The following AMN1 variants were observed in gnomAD, a reference collection of about 807,000 sequenced individuals.
AMN1 encodes the protein antagonist of mitotic exit network 1 homolog.
In AMN1, 20 loss-of-function variants were observed where a neutral mutation model predicts 33.0. The observed-to-expected ratio is 0.61, with a 90% CI of 0.43 to 0.88. AMN1 has a LOEUF of 0.88. AMN1 is among the 40% of genes least tolerant of loss of function. AMN1 has a pLI of 0.00. For synonymous variants in AMN1, 114 were observed against 111.9 expected (o/e 1.02, Z -0.12); for missense variants, 246 against 307.4 (o/e 0.80, Z 1.49).
intron 3 of AMN1, among the ~76,000 whole-genome samples, chr12:31,699,395 CAA>C (rs34860207): frequency 2.7e-4 from 10 of 36,872 alleles, no homozygotes; most frequent in East Asian, 2.0e-3. Flanking sequence ...GACTCTGTCT[CAA>C]AAAAAAAAAA....
chr12:31,676,447 T>C (rs1304898609), intron 6 of AMN1, among the ~76,000 whole-genome samples: 1 of 151,088 alleles, frequency 6.6e-6, no homozygotes, highest in Non-Finnish European at 1.5e-5. Context: ...CCGTCTCTAC[T>C]AAAAATGCAA....
chr12:31,697,886 C>T lies in AMN1; in HGVS notation c.388G>A (p.Asp130Asn). ...ASLKRCCNLT[D>N]EGVVALALNC... ...AGTGCAAGAGCAACGACTCCTTCGTCAGTGAGATTGCAGCATCTTTTCAAA... is the reference window on the plus strand; with the variant it reads ...AGTGCAAGAGCAACGACTCCTTCGTTAGTGAGATTGCAGCATCTTTTCAAA... Residue 130 changes from aspartate to asparagine, a missense_variant, in exon 4 of 7, where the codon GAC becomes AAC. By Grantham distance (23) the Asp-to-Asn change is conservative. Coordinates refer to ENST00000281471, the MANE Select transcript of AMN1 (RefSeq NM_001113402.2). 6.2e-7 allele frequency: 1 copy of T among 1,614,004 alleles called. No homozygotes were observed. Among genetic ancestry groups the T allele is most frequent in the South Asian group, 1.1e-5 (1 of 91,090 alleles).
At chr12:31,710,895 CA>C (rs1939440943) in intron 1 of AMN1, among the ~76,000 whole-genome samples, 1 of 152,058 alleles carries the variant, frequency 6.6e-6, no homozygotes, top group Admixed American at 6.6e-5. Context: ...ATCCTTCCAG[CA>C]ATAGATATCA....
intron 6 of AMN1, among the ~76,000 whole-genome samples, chr12:31,677,073 C>T (rs1289967497): frequency 6.7e-6 from 1 of 150,152 alleles, no homozygotes; most frequent in Non-Finnish European, 1.5e-5. Flanking sequence ...ACGAGACGGG[C>T]GGATCACGAG....
intron 3 of AMN1, among the ~76,000 whole-genome samples, chr12:31,701,329 C>T (rs573426116): frequency 5.6e-4 from 85 of 151,972 alleles, no homozygotes; most frequent in Non-Finnish European, 9.6e-4. Flanking sequence ...ATAGAGTCTC[C>T]CTATGTCACC....
At chr12:31,725,666 C>T (rs774234764) in intron 1 of AMN1, among the ~76,000 whole-genome samples, 1 of 151,994 alleles carries the variant, frequency 6.6e-6, no homozygotes, top group African/African-American at 2.4e-5. Flanking sequence ...AGTTTCAATC[C>T]TTGATCTCTC....
At chr12:31,678,879 TAATG>T (rs995064497) in intron 6 of AMN1, among the ~76,000 whole-genome samples, 1 of 152,152 alleles carries the variant, frequency 6.6e-6, no homozygotes, top group Admixed American at 6.5e-5. Context: ...GTAGGATTAG[TAATG>T]AATGAATGAA....
intron 6 of AMN1, among the ~76,000 whole-genome samples, chr12:31,680,126 A>G (rs1403382029): frequency 5.3e-5 from 8 of 151,630 alleles, no homozygotes; most frequent in African/African-American, 1.9e-4. Context: ...CCATCTCAAA[A>G]AAAAAAAAAA....
chr12:31,717,845 A>G (rs566993772), intron 1 of AMN1, among the ~76,000 whole-genome samples: 6 of 152,096 alleles, frequency 3.9e-5, no homozygotes, highest in Non-Finnish European at 7.4e-5. Context: ...TGCACTAGGT[A>G]TTTGTCCTAA....
chr12:31,701,728 G>T, intron 3 of AMN1, 135 bp downstream of exon 3: 1 of 781,122 alleles, frequency 1.3e-6, no homozygotes, highest in Non-Finnish European at 1.9e-6. Context: ...TAGTCTGAAT[G>T]TTTTTACTGA....
chr12:31,696,008 C>G (rs1938707500), intron 5 of AMN1, among the ~76,000 whole-genome samples: 1 of 151,432 alleles, frequency 6.6e-6, no homozygotes, highest in Non-Finnish European at 1.5e-5. Flanking sequence ...TTTGGGAGGT[C>G]GAGGGGGGCG....
chr12:31,721,100 G>A (rs779330793), intron 1 of AMN1, among the ~76,000 whole-genome samples: 12 of 152,188 alleles, frequency 7.9e-5, no homozygotes, highest in Admixed American at 2.0e-4. Context: ...TGAATGCAGA[G>A]CCTTGCCTAA....
chr12:31,696,285 T>TATTTATTC (rs1232485178), intron 5 of AMN1, among the ~76,000 whole-genome samples: 1 of 151,324 alleles, frequency 6.6e-6, no homozygotes, highest in Non-Finnish European at 1.5e-5. Context: ...AAAAAGTATT[T>TATTTATTC]ATTTATTTAA....
At chr12:31,709,486 C>A (rs1267082566) in intron 1 of AMN1, 61 bp from the exon 2 acceptor site, 8 of 1,541,094 alleles carry the variant, frequency 5.2e-6, no homozygotes, top group South Asian at 1.2e-5. Context: ...TAACACTTGT[C>A]TTAATGCTAT....
At chr12:31,719,201 T>G in intron 1 of AMN1, 1 of 258,564 alleles carries the variant, frequency 3.9e-6, no homozygotes, top group Non-Finnish European at 6.0e-6. Flanking sequence ...CCAGTCCCAG[T>G]GAGATGAACC....
intron 1 of AMN1, among the ~76,000 whole-genome samples, chr12:31,721,858 T>C (rs1939888512): frequency 6.6e-6 from 1 of 152,202 alleles, no homozygotes; most frequent in Non-Finnish European, 1.5e-5. Context: ...TAGACTGCAA[T>C]GATGCTGCTA....
rs770065975 is a variant in AMN1 at position 31,697,841 on chromosome 12, T to C, written c.433A>G (p.Ile145Val). ...ALALNCQLLKIIDLGGCLSIT... is the reference protein window; with the variant it reads ...ALALNCQLLKVIDLGGCLSIT... ...CTTAAGCAGCCACCTAAATCGATGATCTTTAGCAGCTGGCAATTGAGTGCA... is the reference window on the plus strand; with the variant it reads ...CTTAAGCAGCCACCTAAATCGATGACCTTTAGCAGCTGGCAATTGAGTGCA... Residue 145 changes from isoleucine (I) to valine (V), a missense_variant, in exon 4 of 7, where the codon ATC becomes GTC. Ile to Val is a conservative substitution (Grantham distance 29). Transcript: ENST00000281471. 8.7e-6 allele frequency: 14 copies of C among 1,614,012 alleles called. No individual in the cohort carries two copies. In the East Asian group the frequency reaches 3.1e-4, roughly 36 times the overall value.
At chr12:31,685,031 A>T (rs7952898) in intron 6 of AMN1, among the ~76,000 whole-genome samples, 143,552 of 147,682 alleles carry the variant, frequency 0.97, 69,723 homozygotes, top group South Asian at 1. Context: ...CATAATTATT[A>T]TTTTTTTTTT....
chr12:31,680,448 G>A (rs1224417264), intron 6 of AMN1, among the ~76,000 whole-genome samples: 1 of 152,128 alleles, frequency 6.6e-6, no homozygotes, highest in Non-Finnish European at 1.5e-5. Context: ...TGATCCGCCT[G>A]CCTCGGCCCC....
Sources: gnomAD v4.1 joint callset for allele counts (sites outside exome capture counted in the v4.1 genomes callset) on GRCh38, gnomAD v4.1.1 for gene constraint, MANE v1.5 for transcripts, NCBI Gene and HGNC (gene_info 2026-07-23, HGNC 2026-07-21) for gene names.